SNRK: variants seen among roughly 807,000 people sequenced by gnomAD.
The protein encoded by SNRK is SNF related kinase.
A neutral mutation model predicts 48.2 loss-of-function variants in SNRK; 3 were observed. That is an observed-to-expected ratio of 0.06 (90% CI 0.03 to 0.16). SNRK has a LOEUF of 0.16. Among genes scored for constraint, SNRK ranks in the 10% least tolerant of loss-of-function variants. The pLI is 1.00. For missense variants in SNRK, 627 were observed against 976.0 expected (o/e 0.64, Z 4.76); for synonymous variants, 376 against 366.1 (o/e 1.03, Z -0.31).
At chr3:43,320,270 C>A (rs1336911026) in intron 3 of SNRK, among the ~76,000 whole-genome samples, 2 of 152,108 alleles carry the variant, frequency 1.3e-5, no homozygotes, top group Admixed American at 1.3e-4. Context: ...GTACAGTATT[C>A]TTTTTATTTC....
Position 43,293,177 on chromosome 3 carries a change from C to T in SNRK, c.-169+6502C>T, listed in dbSNP as rs201905313. Among the ~76,000 whole-genome samples, 21 of 151,874 alleles carry T rather than the reference C, an allele frequency of 1.4e-4. No individual in the cohort carries two copies. In the East Asian group the frequency reaches 3.7e-3, roughly 27 times the overall value. On this transcript the variant is annotated intron_variant, in intron 1 of 6. Transcript: ENST00000296088. ...TGGAGTGCAGTGGCTGATCTCGGCTCACTACAGCATGGATTCTTGAGCTCC... is the reference window on the plus strand; with the variant it reads ...TGGAGTGCAGTGGCTGATCTCGGCTTACTACAGCATGGATTCTTGAGCTCC...
At chr3:43,332,104 C>T (rs951362296) in intron 3 of SNRK, 65 bp from the exon 4 acceptor site, 28 of 1,192,778 alleles carry the variant, frequency 2.3e-5, no homozygotes, top group Admixed American at 2.9e-5. Context: ...ATATTGTTAG[C>T]GCACTTTTAA....
rs146816098 is a variant in SNRK, at chr3:43,311,702, G to C, written c.589+7910G>C. ...ACAAGGCAATGAACCTGTGCCTGCT[G>C]GGCTAAGACAGGAGTAATGTCTTTG... is the stretch of plus-strand genomic sequence containing the variant. On this transcript the variant is annotated intron_variant, in intron 3 of 6. Transcript: ENST00000296088. Among the ~76,000 whole-genome samples the C allele has an allele frequency of 4.1e-3, 626 of 152,174 alleles. 6 individuals are homozygous for C. The highest frequency in any genetic ancestry group is 0.014 in the African/African-American group (593 of 41,524).
intron 3 of SNRK, among the ~76,000 whole-genome samples, chr3:43,306,565 G>A (rs1364143572): frequency 1.3e-5 from 2 of 151,128 alleles, no homozygotes. Flanking sequence ...GATCTTTGAG[G>A]TTTCCTATTT....
chr3:43,326,782 T>C (rs1381058268), intron 3 of SNRK, among the ~76,000 whole-genome samples: 2 of 152,186 alleles, frequency 1.3e-5, no homozygotes, highest in Non-Finnish European at 2.9e-5. Flanking sequence ...AGCTTAGTTT[T>C]AGCAGCATTG....
chr3:43,295,387 G>A (rs1489162639), intron 1 of SNRK, among the ~76,000 whole-genome samples: 1 of 152,202 alleles, frequency 6.6e-6, no homozygotes, highest in Non-Finnish European at 1.5e-5. Context: ...AGTCCCCTCA[G>A]CGGCCCCTAG....
intron 4 of SNRK, among the ~76,000 whole-genome samples, chr3:43,336,864 G>T (rs2091193519): frequency 1.3e-5 from 2 of 152,018 alleles, no homozygotes; most frequent in African/African-American, 2.4e-5. Context: ...TGATTCTCCT[G>T]CCTCAAGCCT....
chr3:43,295,601 A>G (rs982851155), intron 1 of SNRK, among the ~76,000 whole-genome samples: 1 of 152,182 alleles, frequency 6.6e-6, no homozygotes, highest in Non-Finnish European at 1.5e-5. Context: ...ATAGTAATAC[A>G]ACCAATCCAG....
At chr3:43,344,261 T>G (rs2091258439) in intron 6 of SNRK, among the ~76,000 whole-genome samples, 1 of 152,114 alleles carries the variant, frequency 6.6e-6, no homozygotes, top group Non-Finnish European at 1.5e-5. Context: ...AGAGTAACTT[T>G]CCACTTAAAA....
intron 3 of SNRK, among the ~76,000 whole-genome samples, chr3:43,321,892 G>T (rs1482241808): frequency 1.3e-5 from 2 of 152,222 alleles, no homozygotes; most frequent in African/African-American, 4.8e-5. Context: ...TTAATGAGCA[G>T]GTGAATTTTG....
intron 3 of SNRK, among the ~76,000 whole-genome samples, chr3:43,309,612 G>GTTTTTTTTT (rs35398476): frequency 1.4e-5 from 2 of 143,196 alleles, no homozygotes; most frequent in Non-Finnish European, 1.5e-5. Flanking sequence ...TAGAAATAAG[G>GTTTTTTTTT]TTTTTTTTTT....
At chr3:43,306,391 C>T (rs1388961409) in intron 3 of SNRK, among the ~76,000 whole-genome samples, 1 of 151,642 alleles carries the variant, frequency 6.6e-6, no homozygotes, top group Non-Finnish European at 1.5e-5. Flanking sequence ...AACTTTGGTT[C>T]TTTTTTTTGA....
chr3:43,345,543 G>A (rs1275130033), intron 6 of SNRK, among the ~76,000 whole-genome samples: 3 of 152,158 alleles, frequency 2.0e-5, no homozygotes, highest in South Asian at 4.1e-4. Context: ...TCCTAGCCGG[G>A]CTGGGTGTCT....
intron 6 of SNRK, among the ~76,000 whole-genome samples, chr3:43,344,267 TAAAATC>T (rs1327102777): frequency 1.3e-5 from 2 of 152,114 alleles, no homozygotes; most frequent in Admixed American, 6.5e-5. Flanking sequence ...ACTTTCCACT[TAAAATC>T]AAAGCATGGA....
chr3:43,316,346 A>AT (rs971724395), intron 3 of SNRK, among the ~76,000 whole-genome samples: 1 of 150,370 alleles, frequency 6.7e-6, no homozygotes, highest in African/African-American at 2.5e-5. Flanking sequence ...CCTGGGGGAG[A>AT]TTTTTAAAAA....
intron 3 of SNRK, among the ~76,000 whole-genome samples, chr3:43,318,711 T>C (rs1294764867): frequency 6.6e-6 from 1 of 152,104 alleles, no homozygotes; most frequent in African/African-American, 2.4e-5. Context: ...TGTTAAAAGT[T>C]GTTTTAGCGT....
Position 43,340,517 on chromosome 3 carries a change from A to G in SNRK, c.944+18A>G. 1 of 1,605,656 alleles carries G rather than the reference A, an allele frequency of 6.2e-7. No individual in the cohort carries two copies. Among genetic ancestry groups the G allele is most frequent in the Non-Finnish European group, 8.5e-7 (1 of 1,172,780 alleles). On this transcript the variant is annotated intron_variant, in intron 5 of 6. Coordinates refer to ENST00000296088, the MANE Select transcript of SNRK (RefSeq NM_017719.5). ...ATTGTAGAGTACGTCAATGCCCGTC[A>G]GTACAGAGGGCCACAGGTTTAGGAT...
At position 43,303,314 on chromosome 3, in the gene SNRK, T is replaced by C. The variant is rs1015524863; in HGVS notation, c.111T>C (p.Phe37=). The C allele has an allele frequency of 6.2e-7, 1 of 1,614,180 alleles. No homozygotes were observed. The highest frequency in any genetic ancestry group is 8.5e-7 in the Non-Finnish European group (1 of 1,180,016). ...TGGTTAAACTTGCCAGGCATGTCTT[T>C]ACGGGTGAAAAGGTGGCAGTAAAAG... ...FAVVKLARHV[F]TGEKVAVKVI... The change falls in exon 3 of 7, where the codon TTT becomes TTC. Residue 37 remains phenylalanine (F), a synonymous_variant. Transcript: ENST00000296088. The surrounding 1 kb of genome is among the most constrained non-coding windows in gnomAD (Gnocchi z 6.2).
chr3:43,322,930 CG>C (rs1436458626), intron 3 of SNRK, among the ~76,000 whole-genome samples: 3 of 89,306 alleles, frequency 3.4e-5, no homozygotes, highest in African/African-American at 1.6e-4. Flanking sequence ...ACAGCCTGCG[CG>C]ACAGAGTAAG....
Sources: gnomAD v4.1 joint callset for allele counts (sites outside exome capture counted in the v4.1 genomes callset) on GRCh38, gnomAD v4.1.1 for gene constraint, Gnocchi (gnomAD v3.1) non-coding constraint, MANE v1.5 for transcripts, NCBI Gene and HGNC (gene_info 2026-07-23, HGNC 2026-07-21) for gene names.